The following RBMS3 variants were observed in gnomAD, a reference collection of about 807,000 sequenced individuals.
RBMS3 encodes RNA-binding motif, single-stranded-interacting protein 3.
In RBMS3, 27 loss-of-function variants were observed where a neutral mutation model predicts 66.8. The ratio of observed to expected loss-of-function variants is 0.40; its 90% confidence interval spans 0.30 to 0.56. The LOEUF (loss-of-function observed/expected upper bound fraction) is 0.56, where lower values mean the gene tolerates loss of function less well. Ranked by LOEUF, RBMS3 falls within the 20% of genes least tolerant of loss-of-function variation. The pLI, the probability that RBMS3 is intolerant of heterozygous loss-of-function variation, is 0.40. For missense variants in RBMS3, 513 were observed against 549.5 expected (o/e 0.93, Z 0.66); for synonymous variants, 188 against 183.0 (o/e 1.03, Z -0.22).
Position 29,587,217 on chromosome 3 carries a change from G to A in RBMS3, c.399+12G>A, listed in dbSNP as rs373924600. The A allele has an allele frequency of 7.2e-5, 44 of 615,302 alleles. No individual in the cohort carries two copies. The African/African-American group carries it at 9.5e-4, about 13-fold the overall frequency. The allele number at this position is 615,302 out of a possible 1,614,324, so 38.1% of individuals were successfully genotyped here. A position where few individuals can be genotyped will look rare whatever the true frequency, so the allele number is the denominator to read the frequency against. ...CACAGATGGCTAAGGTAAGATTGAT[G>A]TTTAGGGGTGTTTTTTTTTTTTTTT... is the stretch of plus-strand genomic sequence containing the variant. On this transcript the variant is annotated intron_variant, in intron 4 of 14. Coordinates refer to ENST00000383767, the MANE Select transcript of RBMS3 (RefSeq NM_001003793.3).
At chr3:29,791,554 C>T (rs937626594) in intron 6 of RBMS3, among the ~76,000 whole-genome samples, 5 of 152,018 alleles carry the variant, frequency 3.3e-5, no homozygotes, top group African/African-American at 1.2e-4. Flanking sequence ...TGGCTTTGAA[C>T]TCGGACCAGT....
At chr3:29,509,624 C>T (rs1471811038) in intron 3 of RBMS3, among the ~76,000 whole-genome samples, 1 of 152,164 alleles carries the variant, frequency 6.6e-6, no homozygotes, top group African/African-American at 2.4e-5. Context: ...CGAGACTCAG[C>T]TGATAAATTC....
At chr3:29,712,213 G>A (rs2053200993) in intron 4 of RBMS3, among the ~76,000 whole-genome samples, 1 of 152,098 alleles carries the variant, frequency 6.6e-6, no homozygotes, top group Non-Finnish European at 1.5e-5. Flanking sequence ...CTGGGTTAAG[G>A]GATACTCAGA....
intron 4 of RBMS3, among the ~76,000 whole-genome samples, chr3:29,637,336 A>G (rs975182573): frequency 6.6e-6 from 1 of 151,804 alleles, no homozygotes; most frequent in Non-Finnish European, 1.5e-5. Context: ...CTTAGTTGAT[A>G]TGCTCTACCC....
At chr3:29,529,151 T>C (rs1238855683) in intron 3 of RBMS3, among the ~76,000 whole-genome samples, 9 of 152,226 alleles carry the variant, frequency 5.9e-5, no homozygotes, top group Admixed American at 4.6e-4. Flanking sequence ...TATTTTAGAA[T>C]TGAAAATGAG....
At chr3:29,985,134 G>A (rs1698288445) in intron 12 of RBMS3, among the ~76,000 whole-genome samples, 1 of 152,192 alleles carries the variant, frequency 6.6e-6, no homozygotes, top group African/African-American at 2.4e-5. Context: ...TGACTATAGT[G>A]GCTTTGCCAC....
chr3:29,747,101 T>G (rs2149359698), intron 5 of RBMS3, among the ~76,000 whole-genome samples: 1 of 152,322 alleles, frequency 6.6e-6, no homozygotes, highest in Admixed American at 6.5e-5. Context: ...AGGCAGCTAG[T>G]CTGCTTCTGG....
chr3:29,446,878 T>G (rs1256193148), intron 2 of RBMS3, among the ~76,000 whole-genome samples: 2 of 150,688 alleles, frequency 1.3e-5, no homozygotes, highest in African/African-American at 4.9e-5. Context: ...ATTTAAGGAG[T>G]GTTTCTTCAA....
At chr3:29,309,536 C>A (rs1575515815) in intron 1 of RBMS3, among the ~76,000 whole-genome samples, 1 of 149,078 alleles carries the variant, frequency 6.7e-6, no homozygotes, top group Admixed American at 6.7e-5. Context: ...ATCATCACAG[C>A]ACAAACAAGA....
chr3:29,979,038 G>A (rs535014058), intron 12 of RBMS3, among the ~76,000 whole-genome samples: 25 of 152,068 alleles, frequency 1.6e-4, no homozygotes, highest in South Asian at 1.0e-3. Context: ...AGGGTGAGGC[G>A]GGAGGATCAC....
At chr3:29,445,081 A>G (rs17666790) in intron 2 of RBMS3, among the ~76,000 whole-genome samples, 73,158 of 151,264 alleles carry the variant, frequency 0.48, 17,915 homozygotes, top group South Asian at 0.58. Flanking sequence ...ACACTTCCAG[A>G]TTTTTAAGTG....
chr3:29,316,907 T>A (rs1489525104), intron 1 of RBMS3, among the ~76,000 whole-genome samples: 2 of 151,714 alleles, frequency 1.3e-5, no homozygotes, highest in South Asian at 4.1e-4. Context: ...GAAATTTTAG[T>A]GATTCTTAAT....
chr3:29,656,805 C>G (rs769050512), intron 4 of RBMS3, among the ~76,000 whole-genome samples: 3 of 152,182 alleles, frequency 2.0e-5, no homozygotes, highest in Non-Finnish European at 4.4e-5. Context: ...CCCTCTCTCT[C>G]GTACATTAGT....
chr3:29,893,429 C>T (rs1444258529), intron 8 of RBMS3, among the ~76,000 whole-genome samples: 10 of 151,426 alleles, frequency 6.6e-5, no homozygotes, highest in African/African-American at 2.2e-4. Context: ...CTCCAATTGG[C>T]GCATTTTACA....
chr3:29,584,066 A>G (rs2047424690), intron 3 of RBMS3, among the ~76,000 whole-genome samples: 1 of 152,146 alleles, frequency 6.6e-6, no homozygotes, highest in Non-Finnish European at 1.5e-5. Flanking sequence ...CATCTTGCTC[A>G]TACTCTTCAA....
intron 4 of RBMS3, among the ~76,000 whole-genome samples, chr3:29,706,879 A>G (rs1317122567): frequency 1.3e-5 from 2 of 152,136 alleles, no homozygotes; most frequent in East Asian, 1.9e-4. Flanking sequence ...TCTTGCATCC[A>G]TTTTCTTGGA....
intron 3 of RBMS3, among the ~76,000 whole-genome samples, chr3:29,539,750 A>C (rs187738129): frequency 6.6e-6 from 1 of 152,320 alleles, no homozygotes; most frequent in African/African-American, 2.4e-5. Context: ...AAGACTGACA[A>C]GACATCAGGA....
intron 1 of RBMS3, among the ~76,000 whole-genome samples, chr3:29,325,746 A>G (rs965553161): frequency 2.6e-5 from 4 of 152,076 alleles, no homozygotes; most frequent in Admixed American, 6.6e-5. Context: ...TTAGCTATCT[A>G]TGGCTTAAAT....
At chr3:29,706,733 AT>A (rs2052913813) in intron 4 of RBMS3, among the ~76,000 whole-genome samples, 2 of 152,238 alleles carry the variant, frequency 1.3e-5, no homozygotes, top group African/African-American at 4.8e-5. Flanking sequence ...CACTCTCTAT[AT>A]AACAGAAGGA....
Sources: allele counts gnomAD v4.1 joint callset (sites outside exome capture counted in the v4.1 genomes callset), GRCh38; gene constraint gnomAD v4.1.1; transcripts MANE v1.5; gene names NCBI Gene and HGNC (gene_info 2026-07-23, HGNC 2026-07-21).